Variants in MAP3K12 observed in about 807,000 individuals in gnomAD.
MAP3K12 encodes the protein mitogen-activated protein kinase kinase kinase 12.
In MAP3K12, 14 loss-of-function variants were observed where a neutral mutation model predicts 87.5. That is an observed-to-expected ratio of 0.16 (90% CI 0.11 to 0.25). The LOEUF (loss-of-function observed/expected upper bound fraction) is 0.25, where lower values mean the gene tolerates loss of function less well. MAP3K12 is among the 10% of genes least tolerant of loss of function. The pLI is 1.00. For synonymous variants in MAP3K12, 469 were observed against 452.5 expected, an observed-to-expected ratio of 1.04 and a Z score of -0.46; for missense variants, 802 against 1,140.4, an observed-to-expected ratio of 0.70 and a Z score of 4.27.
intron 6 of MAP3K12, 46 bp from the exon 7 acceptor site, chr12:53,484,411 G>C: frequency 2.4e-5 from 33 of 1,372,174 alleles, no homozygotes; most frequent in Non-Finnish European, 2.9e-5. Context: ...TTTGAGGGAG[G>C]ATCAGATAGG....
rs1441657266 is a variant in MAP3K12, at chr12:53,481,226, T to TG, written c.2634dup (p.Asn879GlnfsTer4). The TG allele has an allele frequency of 3.2e-6, 5 of 1,562,374 alleles. No homozygotes were observed. The African/African-American group carries it at 4.2e-5, about 13-fold the overall frequency. On this transcript the variant is annotated frameshift_variant, in exon 14 of 14. Coordinates refer to ENST00000547488, the MANE Select transcript of MAP3K12 (RefSeq NM_001193511.2). LOFTEE classifies it high-confidence loss of function. ...GGGGGCCGCAAGGCATCAACGCTGT[T>TG]GGAGTTGTCCAATTCAGTGCTGTCA... is the stretch of plus-strand genomic sequence containing the variant.
Position 53,487,118 on chromosome 12 carries a change from C to A in MAP3K12, c.274G>T (p.Gly92Trp). Residue 92 changes from glycine to tryptophan, a missense_variant, in exon 2 of 14, where the codon GGG becomes TGG. Around this residue, in one of 5 missense-constraint regions of MAP3K12, gnomAD observed 135 missense variants for 151.6 expected, o/e 0.89. Coordinates refer to ENST00000547488, the MANE Select transcript of MAP3K12 (RefSeq NM_001193511.2). ...QLHEQDAGGPGGAAGSPESRA... is the reference protein window; with the variant it reads ...QLHEQDAGGPWGAAGSPESRA... ...CTCTCAGGTGACCCAGCTGCTCCCC[C>A]TGGGCCCCCTGCATCCTGCTCATGT... 3 of 1,614,050 alleles carry A rather than the reference C, an allele frequency of 1.9e-6. No homozygotes were observed. The highest frequency in any genetic ancestry group is 2.5e-6 in the Non-Finnish European group (3 of 1,180,006).
intron 1 of MAP3K12, chr12:53,488,011 C>T (rs1943282526): frequency 6.5e-6 from 1 of 153,184 alleles, no homozygotes; most frequent in South Asian, 2.1e-4. Context: ...GGGCCTCCCA[C>T]CCAGGTACTT....
chr12:53,483,500 C>A lies in MAP3K12; in HGVS notation c.1476-14G>T. On this transcript the variant is annotated splice_polypyrimidine_tract_variant and intron_variant, in intron 9 of 13. Coordinates refer to ENST00000547488, the MANE Select transcript of MAP3K12 (RefSeq NM_001193511.2). ...GCTTGCTCTCGCCTAAAGATCCAGG[C>A]ACCTTCTCAGCTGGGCAAATGACCA... 1 of 1,614,006 alleles carries A rather than the reference C, an allele frequency of 6.2e-7. No homozygotes were observed. The highest frequency in any genetic ancestry group is 8.5e-7 in the Non-Finnish European group (1 of 1,179,942).
rs1308480982 is a variant in MAP3K12 at position 53,484,219 on chromosome 12, AGG to A, written c.1248+36_1248+37del. 79 of 1,552,622 alleles carry A rather than the reference AGG, an allele frequency of 5.1e-5. 1 individual carries two copies. The Admixed American group carries it at 1.3e-3, about 26-fold the overall frequency. ...TCAAATAGCATCATCTCTGCAAAGA[AGG>A]GGAGTTAGGTATTTATTTTCCTACC... On this transcript the variant is annotated intron_variant, in intron 7 of 13. Coordinates refer to ENST00000547488, the MANE Select transcript of MAP3K12 (RefSeq NM_001193511.2).
chr12:53,487,690 G>A, intron 1 of MAP3K12: 1 of 370,160 alleles, frequency 2.7e-6, no homozygotes, highest in Non-Finnish European at 4.9e-6. Context: ...TCATTCTCAG[G>A]TAACAGCCCC....
chr12:53,484,451 C>T, intron 6 of MAP3K12, 86 bp from the exon 7 acceptor site: 3 of 915,404 alleles, frequency 3.3e-6, no homozygotes, highest in Non-Finnish European at 5.3e-6. Context: ...AAAGTGTGTC[C>T]TGGAGAATCC....
At chr12:53,484,174 C>G in intron 7 of MAP3K12, 83 bp downstream of exon 7, 2 of 1,414,502 alleles carry the variant, frequency 1.4e-6, no homozygotes, top group Non-Finnish European at 2.0e-6. Flanking sequence ...TCCCACTCAA[C>G]CCATTTCCCA....
Position 53,487,221 on chromosome 12 carries a change from C to T in MAP3K12, c.171G>A (p.Gly57=). The T allele has an allele frequency of 6.2e-7, 1 of 1,613,374 alleles. No homozygotes were observed. Among genetic ancestry groups the T allele is most frequent in the Non-Finnish European group, 8.5e-7 (1 of 1,179,686 alleles). The part of the protein sequence containing the change: ...CVLRDVVPLG[G]QGGGGPSPSP... ...AGGGGCTGGGCCCTCCCCCACCCTG[C>T]CCACCAAGGGGTACCACATCTCGAA... The change falls in exon 2 of 14, where the codon GGG becomes GGA. Residue 57 remains glycine, a synonymous_variant. Coordinates refer to ENST00000547488, the MANE Select transcript of MAP3K12 (RefSeq NM_001193511.2).
At chr12:53,491,047 G>C (rs1943384679) in intron 1 of MAP3K12, among the ~76,000 whole-genome samples, 1 of 151,872 alleles carries the variant, frequency 6.6e-6, no homozygotes. Context: ...TAGCACTTTC[G>C]GAGGCTGAGA....
intron 1 of MAP3K12, among the ~76,000 whole-genome samples, chr12:53,491,193 C>T (rs945352901): frequency 5.6e-5 from 8 of 142,624 alleles, no homozygotes; most frequent in African/African-American, 2.0e-4. Flanking sequence ...GAGGCTGAAG[C>T]AGGAGAATCA....
chr12:53,488,930 A>G (rs897883358), intron 1 of MAP3K12, among the ~76,000 whole-genome samples: 4 of 148,548 alleles, frequency 2.7e-5, no homozygotes, highest in African/African-American at 9.8e-5. Flanking sequence ...AAAAGAAAAA[A>G]TTAGCTGGGC....
intron 1 of MAP3K12, among the ~76,000 whole-genome samples, chr12:53,497,390 G>GA (rs201072837): frequency 2.0e-5 from 3 of 151,704 alleles, no homozygotes; most frequent in Admixed American, 6.6e-5. Flanking sequence ...AAACAAGAGG[G>GA]AAAAAAAAGA....
chr12:53,499,063 T>G lies in MAP3K12; in HGVS notation c.-38+364A>C, dbSNP rs930864351. ...TTCCTTCCCTAGAGGGGGCCAAAAC[T>G]CTCCCTCCTCCTTCCCTCTCTCTCT... On this transcript the variant is annotated intron_variant, in intron 1 of 13. Transcript: ENST00000547488. Among the ~76,000 whole-genome samples the G allele has an allele frequency of 2.6e-5, 4 of 151,364 alleles. No homozygotes were observed. The East Asian group carries it at 7.8e-4, about 29-fold the overall frequency.
At position 53,482,901 on chromosome 12, in the gene MAP3K12, G is replaced by A. The variant is rs752739965; in HGVS notation, c.1902C>T (p.Leu634=). 4 of 1,611,308 alleles carry A rather than the reference G, an allele frequency of 2.5e-6. No homozygotes were observed. The South Asian group carries it at 3.3e-5, about 13-fold the overall frequency. ...PPALRGLHHD[L]LLRKMSSSSP... ...ACGATGAAGACATTTTGCGGAGCAGGAGGTCATGATGAAGCCCACGGAGGG... is the reference window on the plus strand; with the variant it reads ...ACGATGAAGACATTTTGCGGAGCAGAAGGTCATGATGAAGCCCACGGAGGG... Residue 634 remains leucine (L), a synonymous_variant, in exon 11 of 14, where the codon CTC becomes CTT. Transcript: ENST00000547488.
chr12:53,489,367 C>T (rs1943338612), intron 1 of MAP3K12, among the ~76,000 whole-genome samples: 1 of 152,176 alleles, frequency 6.6e-6, no homozygotes, highest in African/African-American at 2.4e-5. Context: ...TTGCTTCTGC[C>T]ACATAATGGC....
rs1311626463 is a variant in MAP3K12, at chr12:53,481,148, A to G, written c.*34T>C. 1.0e-6 allele frequency: 1 copy of G among 984,678 alleles called. No individual in the cohort carries two copies. The highest frequency in any genetic ancestry group is 1.3e-6 in the Non-Finnish European group (1 of 742,980). 61.0% of individuals were successfully genotyped at this position (984,678 alleles called of 1,614,324 possible). On this transcript the variant is annotated 3_prime_UTR_variant, in exon 14 of 14. Coordinates refer to ENST00000547488, the MANE Select transcript of MAP3K12 (RefSeq NM_001193511.2). ...ATGTATATATATATAATTTATATAA[A>G]TATTTCTCTATGTACAAGGAATACG...
Position 53,481,946 on chromosome 12 carries a change from C to T in MAP3K12, c.2575G>A (p.Glu859Lys). The change falls in exon 13 of 14, where the codon GAG (glutamate) becomes AAG (lysine). Residue 859 changes from glutamate to lysine, a missense_variant. Glu to Lys is a moderately conservative substitution (Grantham distance 56). Transcript: ENST00000547488. ...TTTGCTGTTGTGCCACTCACCCGCT[C>T]TCTGAGAAGTTCCTGGTGTGGAATG... ...LPIPHQELLR[E>K]RGPPNSEDSD... The T allele has an allele frequency of 6.2e-7, 1 of 1,611,760 alleles. No individual in the cohort carries two copies. The highest frequency in any genetic ancestry group is 8.5e-7 in the Non-Finnish European group (1 of 1,178,010).
chr12:53,483,463 C>T lies in MAP3K12; in HGVS notation c.1499G>A (p.Arg500Lys). ...LLRREQALER[R>K]CPGLLKPHPS... The stretch of plus-strand genomic sequence containing the variant: ...GTGTGGCTTCAGCAGGCCTGGGCAC[C>T]TCCGCTCTAAAGCTTGCTCTCGCCT... Residue 500 changes from arginine (R) to lysine (K), a missense_variant, in exon 10 of 14, where the codon AGG (arginine) becomes AAG (lysine). Transcript: ENST00000547488. 14 of 1,614,126 alleles carry T rather than the reference C, an allele frequency of 8.7e-6. No homozygotes were observed. Among genetic ancestry groups the T allele is most frequent in the Non-Finnish European group, 1.2e-5 (14 of 1,180,010 alleles).
Sources: gnomAD v4.1 joint callset for allele counts (sites outside exome capture counted in the v4.1 genomes callset) on GRCh38, gnomAD v4.1.1 for gene constraint, gnomAD v4.1.1 regional missense constraint, MANE v1.5 for transcripts, NCBI Gene and HGNC (gene_info 2026-07-23, HGNC 2026-07-21) for gene names.